The following DLG5 variants were observed in gnomAD, a reference collection of about 807,000 sequenced individuals.
DLG5 encodes discs large MAGUK scaffold protein 5.
A neutral mutation model predicts 189.8 loss-of-function variants in DLG5; 48 were observed. The observed-to-expected ratio is 0.25, with a 90% CI of 0.20 to 0.32. The LOEUF (loss-of-function observed/expected upper bound fraction) is 0.32, where lower values mean the gene tolerates loss of function less well. Among genes scored for constraint, DLG5 ranks in the 10% least tolerant of loss-of-function variants. DLG5 has a pLI of 1.00. For missense variants in DLG5, 2,160 were observed against 2,544.7 expected, an observed-to-expected ratio of 0.85 and a Z score of 3.25; for synonymous variants, 1,016 against 1,054.1, an observed-to-expected ratio of 0.96 and a Z score of 0.70.
intron 7 of DLG5, among the ~76,000 whole-genome samples, chr10:77,837,014 A>G: frequency 6.6e-6 from 1 of 152,038 alleles, no homozygotes; most frequent in East Asian, 1.9e-4. Context: ...CAGGAGTTTG[A>G]GACCAGCCTG....
chr10:77,843,728 T>C, intron 5 of DLG5, 22 bp from the exon 6 acceptor site: 1 of 1,613,442 alleles, frequency 6.2e-7, no homozygotes, highest in Non-Finnish European at 8.5e-7. Context: ...ACAGTTTCAC[T>C]TACCAAGGGT....
chr10:77,836,579 G>A (rs991376537), intron 7 of DLG5, among the ~76,000 whole-genome samples: 2 of 152,118 alleles, frequency 1.3e-5, no homozygotes, highest in African/African-American at 4.8e-5. Flanking sequence ...TCTCCAGACA[G>A]CAGGAGACAG....
At chr10:77,845,647 G>A (rs1843650051) in intron 5 of DLG5, among the ~76,000 whole-genome samples, 1 of 151,596 alleles carries the variant, frequency 6.6e-6, no homozygotes, top group East Asian at 1.9e-4. Flanking sequence ...AAGAGAAAGA[G>A]AGAGAAAGAA....
intron 8 of DLG5, among the ~76,000 whole-genome samples, chr10:77,834,850 T>G (rs562109108): frequency 1.3e-5 from 2 of 152,122 alleles, no homozygotes; most frequent in South Asian, 4.1e-4. Context: ...CACCTAACTG[T>G]GCTCTCCATT....
chr10:77,803,108 G>A (rs1841299370), intron 27 of DLG5, among the ~76,000 whole-genome samples: 1 of 152,162 alleles, frequency 6.6e-6, no homozygotes, highest in Non-Finnish European at 1.5e-5. Context: ...GTGGATGTGA[G>A]AGGATAACAG....
chr10:77,802,793 G>A (rs879308147), intron 27 of DLG5, among the ~76,000 whole-genome samples: 3 of 152,164 alleles, frequency 2.0e-5, no homozygotes, highest in Non-Finnish European at 2.9e-5. Flanking sequence ...CCAGCTACTC[G>A]GCAGGCTGAG....
intron 30 of DLG5, among the ~76,000 whole-genome samples, chr10:77,794,377 C>G (rs565187633): frequency 6.6e-6 from 1 of 152,374 alleles, no homozygotes; most frequent in South Asian, 2.1e-4. Flanking sequence ...AGAAGCTCAG[C>G]AGCACAGAAA....
At chr10:77,914,824 G>A (rs1846315997) in intron 1 of DLG5, among the ~76,000 whole-genome samples, 1 of 152,084 alleles carries the variant, frequency 6.6e-6, no homozygotes, top group Non-Finnish European at 1.5e-5. Flanking sequence ...TCTTTCCAAG[G>A]CTCTCCCAGA....
At chr10:77,860,576 C>T (rs1267892985) in intron 2 of DLG5, among the ~76,000 whole-genome samples, 1 of 152,234 alleles carries the variant, frequency 6.6e-6, no homozygotes, top group Non-Finnish European at 1.5e-5. Context: ...GCTGGGATTA[C>T]AGGCGTGAGG....
At chr10:77,919,931 T>G (rs1248895) in intron 1 of DLG5, among the ~76,000 whole-genome samples, 47,367 of 152,078 alleles carry the variant, frequency 0.31, 7,975 homozygotes, top group Admixed American at 0.44. Context: ...TATTTGAAGA[T>G]GATCTGGACA....
chr10:77,832,929 T>A lies in DLG5; in HGVS notation c.1748+985A>T, dbSNP rs532241292. Reference sequence around the variant, plus strand: ...AGAGTCTGGGTTTTTATAGAATAAATGGAGCTCTTTGTCTCATTAGGAATT... The same window carrying A: ...AGAGTCTGGGTTTTTATAGAATAAAAGGAGCTCTTTGTCTCATTAGGAATT... On this transcript the variant is annotated intron_variant, in intron 9 of 31. Transcript: ENST00000372391. Among the ~76,000 whole-genome samples, 180 of 152,260 alleles carry A rather than the reference T, an allele frequency of 1.2e-3. 1 individual carries two copies. The highest frequency in any genetic ancestry group is 1.9e-3 in the Non-Finnish European group (132 of 68,016).
At chr10:77,824,580 T>G in intron 13 of DLG5, 104 bp from the exon 14 acceptor site, 1 of 885,300 alleles carries the variant, frequency 1.1e-6, no homozygotes, top group Non-Finnish European at 1.8e-6. Flanking sequence ...AGTCACCAAA[T>G]GCAAGGTGCC....
At position 77,828,948 on chromosome 10, in the gene DLG5, G is replaced by A. The variant is rs35323061; in HGVS notation, c.2223C>T (p.Ala741=). The A allele has an allele frequency of 4.3e-3, 6,901 of 1,614,106 alleles. 26 individuals are homozygous for A. The highest frequency in any genetic ancestry group is 4.3e-3 in the Non-Finnish European group (5,123 of 1,180,018). The change falls in exon 13 of 32, where the codon GCC becomes GCT. Residue 741 remains alanine (A), a synonymous_variant. Transcript: ENST00000372391. ...GISLENGVYA[A]AVLPGSPAAK... ...CGGCAGGGCTTCCAGGCAGCACAGC[G>A]GCAGCATACACTCCATTCTCCAGAC...
In DLG5 at chr10:77,819,303, T is replaced by C. The variant is rs2154575557; in HGVS notation, c.3671+18A>G. The C allele has an allele frequency of 6.2e-7, 1 of 1,613,542 alleles. No homozygotes were observed. Among genetic ancestry groups the C allele is most frequent in the Non-Finnish European group, 8.5e-7 (1 of 1,179,898 alleles). ...TGGGCAGCTGGAGTACAGAGAAGCG[T>C]AGGGTGCCTTCACATACCTGGGATG... On this transcript the variant is annotated intron_variant, in intron 17 of 31. Coordinates refer to ENST00000372391, the MANE Select transcript of DLG5 (RefSeq NM_004747.4).
chr10:77,796,018 T>A lies in DLG5; in HGVS notation c.5436+43A>T. The A allele has an allele frequency of 6.2e-7, 1 of 1,613,550 alleles. No individual in the cohort carries two copies. ...GGGGCCTAGACCTGTGCACAGGAGG[T>A]CTAATACTGGATGCCTAATCCTCAG... On this transcript the variant is annotated intron_variant, in intron 29 of 31. Transcript: ENST00000372391. The surrounding 1 kb of genome is among the most constrained non-coding windows in gnomAD (Gnocchi z 5.2).
chr10:77,850,143 C>T (rs1843894867), intron 5 of DLG5, among the ~76,000 whole-genome samples: 1 of 152,144 alleles, frequency 6.6e-6, no homozygotes, highest in African/African-American at 2.4e-5. Flanking sequence ...GCAGCCACTA[C>T]CACTATCTAA....
chr10:77,896,298 T>A (rs1269437344), intron 1 of DLG5, among the ~76,000 whole-genome samples: 1 of 152,184 alleles, frequency 6.6e-6, no homozygotes, highest in Non-Finnish European at 1.5e-5. Context: ...CCTAGATTTT[T>A]AAAAAATCTA....
At chr10:77,932,647 A>G in the DLG5 span, among the ~76,000 whole-genome samples, 1 of 152,316 alleles carries the variant, frequency 6.6e-6, no homozygotes, top group Admixed American at 6.5e-5. Flanking sequence ...ATAAAAAAGG[A>G]GAAGCATCAG....
intron 1 of DLG5, among the ~76,000 whole-genome samples, chr10:77,906,449 T>G (rs1207016615): frequency 6.6e-6 from 1 of 152,180 alleles, no homozygotes; most frequent in Non-Finnish European, 1.5e-5. Context: ...TGCTCATTGA[T>G]AAGTCTCCAC....
Sources: gnomAD v4.1 joint callset for allele counts (sites outside exome capture counted in the v4.1 genomes callset) on GRCh38, gnomAD v4.1.1 for gene constraint, Gnocchi (gnomAD v3.1) non-coding constraint, MANE v1.5 for transcripts, NCBI Gene and HGNC (gene_info 2026-07-23, HGNC 2026-07-21) for gene names.